PCDHGA7: variants seen among roughly 807,000 people sequenced by gnomAD.
PCDHGA7 encodes the protein protocadherin gamma-A7.
A neutral mutation model predicts 58.3 loss-of-function variants in PCDHGA7; 44 were observed. The observed-to-expected ratio is 0.75, with a 90% CI of 0.59 to 0.97. PCDHGA7 has a LOEUF of 0.97. PCDHGA7 is among the 50% of genes least tolerant of loss of function. PCDHGA7 has a pLI of 0.00. For synonymous variants in PCDHGA7, 516 were observed against 504.2 expected, an observed-to-expected ratio of 1.02 and a Z score of -0.31; for missense variants, 1,266 against 1,188.7, an observed-to-expected ratio of 1.06 and a Z score of -0.96.
intron 1 of PCDHGA7, chr5:141,402,863 A>C: frequency 1.2e-5 from 17 of 1,429,924 alleles, no homozygotes; most frequent in Non-Finnish European, 1.6e-5. Flanking sequence ...TCTAAGGAAA[A>C]GATCACCATA....
chr5:141,392,785 T>G (rs1329989423), intron 1 of PCDHGA7: 2 of 1,549,000 alleles, frequency 1.3e-6, no homozygotes, highest in African/African-American at 2.7e-5. Flanking sequence ...ACAGTGAAGA[T>G]TCTGAGAGGA....
intron 1 of PCDHGA7, among the ~76,000 whole-genome samples, chr5:141,435,412 T>C (rs2097761991): frequency 6.6e-6 from 1 of 152,222 alleles, no homozygotes; most frequent in Non-Finnish European, 1.5e-5. Flanking sequence ...TGGTAAAGAC[T>C]ATTTTTCACT....
In PCDHGA7 at chr5:141,432,887, T is replaced by G. The variant is rs146168033; in HGVS notation, c.2424+47564T>G. 2.8e-4 allele frequency: 451 copies of G among 1,614,156 alleles called. No individual in the cohort carries two copies. In the African/African-American group the frequency reaches 4.6e-3, roughly 17 times the overall value. ...CTGCGTCTTCCTGGCCTTCGTCATC[T>G]TGCTGCTGGCGCTCAGGCTGCGGCG... is the stretch of plus-strand genomic sequence containing the variant. On this transcript the variant is annotated intron_variant, in intron 1 of 3. Transcript: ENST00000518325. The surrounding 1 kb of genome is among the most constrained non-coding windows in gnomAD (Gnocchi z 6.0).
Position 141,389,889 on chromosome 5 carries a change from G to A in PCDHGA7, c.2424+4566G>A. ...GGTCTTCGCCGACAGCTTGCAGGAG[G>A]TGCTGCCGGATATCACTGACCGCCC... On this transcript the variant is annotated intron_variant, in intron 1 of 3. Transcript: ENST00000518325. 1.9e-6 allele frequency: 3 copies of A among 1,614,086 alleles called. No homozygotes were observed. Among genetic ancestry groups the A allele is most frequent in the Admixed American group, 1.7e-5 (1 of 60,034 alleles).
At chr5:141,418,901 A>G in intron 1 of PCDHGA7, 1 of 1,614,016 alleles carries the variant, frequency 6.2e-7, no homozygotes, top group East Asian at 2.2e-5. Context: ...CCCAGAAATA[A>G]TCATCACGTC....
At chr5:141,471,802 A>G (rs2154571076) in intron 1 of PCDHGA7, among the ~76,000 whole-genome samples, 1 of 152,362 alleles carries the variant, frequency 6.6e-6, no homozygotes, top group African/African-American at 2.4e-5. Context: ...TATAAAAGAC[A>G]TATAAAAGAC....
At chr5:141,488,146 A>G (rs1458115635) in intron 1 of PCDHGA7, among the ~76,000 whole-genome samples, 2 of 152,164 alleles carry the variant, frequency 1.3e-5, no homozygotes, top group South Asian at 4.1e-4. Context: ...AACTAAAGGA[A>G]TAGAGAGGCA....
intron 1 of PCDHGA7, among the ~76,000 whole-genome samples, chr5:141,435,760 T>TTGGTGAATTC (rs2097778609): frequency 1.3e-5 from 2 of 152,172 alleles, no homozygotes; most frequent in African/African-American, 4.8e-5. Context: ...TTGATTTCTT[T>TTGGTGAATTC]TGGTGAATTC....
At chr5:141,409,640 G>A (rs1045286800) in intron 1 of PCDHGA7, 2 of 1,613,780 alleles carry the variant, frequency 1.2e-6, no homozygotes, top group African/African-American at 1.3e-5. Context: ...CTCTGACCCG[G>A]ATTTGGGGCT....
At position 141,393,913 on chromosome 5, in the gene PCDHGA7, C is replaced by T. The variant is rs1170452204; in HGVS notation, c.2424+8590C>T. ...AATTCTCTTCCCGGGACAGTAATTG[C>T]CTTCTTGAGTGTGCATGACCAAGAC... On this transcript the variant is annotated intron_variant, in intron 1 of 3. Coordinates refer to ENST00000518325, the MANE Select transcript of PCDHGA7 (RefSeq NM_018920.4). 3.1e-6 allele frequency: 5 copies of T among 1,613,780 alleles called. No homozygotes were observed. The South Asian group carries it at 3.3e-5, about 11-fold the overall frequency.
chr5:141,399,589 A>G (rs1460754588), intron 1 of PCDHGA7: 6 of 1,613,866 alleles, frequency 3.7e-6, no homozygotes, highest in Non-Finnish European at 3.4e-6. Context: ...CTACTCTATC[A>G]TGGCCAGCGA....
At chr5:141,402,881 G>T in intron 1 of PCDHGA7, 1 of 1,477,920 alleles carries the variant, frequency 6.8e-7, no homozygotes. Context: ...ATACTTTGCA[G>T]GGTGGAAGAA....
intron 3 of PCDHGA7, among the ~76,000 whole-genome samples, chr5:141,509,381 C>T (rs181928019): frequency 6.6e-6 from 1 of 152,256 alleles, no homozygotes; most frequent in East Asian, 1.9e-4. Flanking sequence ...TGTCTCCTAA[C>T]CACAGAGGAT....
At chr5:141,457,555 C>A (rs1425159883) in intron 1 of PCDHGA7, among the ~76,000 whole-genome samples, 2 of 152,168 alleles carry the variant, frequency 1.3e-5, no homozygotes. Context: ...GTATGATAAG[C>A]TTTGGAGCAA....
chr5:141,407,651 G>A (rs1005294855), intron 1 of PCDHGA7, among the ~76,000 whole-genome samples: 1 of 151,926 alleles, frequency 6.6e-6, no homozygotes, highest in African/African-American at 2.4e-5. Flanking sequence ...AATAATGGGG[G>A]AGCGCAGTAT....
In PCDHGA7 at chr5:141,494,860, C is replaced by T. The variant is rs372794752; in HGVS notation, c.2478C>T (p.Thr826=). Residue 826 remains threonine, a synonymous_variant, in exon 2 of 4, where the codon ACC becomes ACT. Coordinates refer to ENST00000518325, the MANE Select transcript of PCDHGA7 (RefSeq NM_018920.4). ...TCTCTCAGGCCCAGAGACCCGGCAC[C>T]AGCGGGTAGGTGACTGATTCTCCAG... ...WRFSQAQRPG[T]SGSQNGDDTG... 5.6e-6 allele frequency: 9 copies of T among 1,614,032 alleles called. No homozygotes were observed. Among genetic ancestry groups the T allele is most frequent in the Non-Finnish European group, 7.6e-6 (9 of 1,180,024 alleles).
intron 1 of PCDHGA7, among the ~76,000 whole-genome samples, chr5:141,463,239 C>G (rs1012919667): frequency 1.3e-5 from 2 of 151,950 alleles, no homozygotes; most frequent in African/African-American, 4.8e-5. Context: ...CTTTGTGTAG[C>G]TCCATTCTCT....
chr5:141,393,739 A>G (rs1589203711), intron 1 of PCDHGA7: 1 of 1,613,800 alleles, frequency 6.2e-7, no homozygotes, highest in Non-Finnish European at 8.5e-7. Flanking sequence ...AGTCTAGATT[A>G]TGAAGAATGT....
rs1173627393 is a variant in PCDHGA7 at position 141,487,102 on chromosome 5, G to A, written c.2425-7705G>A. ...CAGCTGACCTCCCACCACAGAAGCT[G>A]GTCATTGTGGTAAAGGATAGTGGTA... On this transcript the variant is annotated intron_variant, in intron 1 of 3. Coordinates refer to ENST00000518325, the MANE Select transcript of PCDHGA7 (RefSeq NM_018920.4). This position sits in a 1 kb window ranked among gnomAD's most constrained non-coding sequence, Gnocchi z 5.0. 1 of 1,613,900 alleles carries A rather than the reference G, an allele frequency of 6.2e-7. No homozygotes were observed.
Sources: gnomAD v4.1 joint callset for allele counts (sites outside exome capture counted in the v4.1 genomes callset) on GRCh38, gnomAD v4.1.1 for gene constraint, Gnocchi (gnomAD v3.1) non-coding constraint, MANE v1.5 for transcripts, NCBI Gene and HGNC (gene_info 2026-07-23, HGNC 2026-07-21) for gene names.